DLG2: variants seen among roughly 807,000 people sequenced by gnomAD.
DLG2 encodes disks large homolog 2.
In DLG2, 45 loss-of-function variants were observed where a neutral mutation model predicts 132.5. That is an observed-to-expected ratio of 0.34 (90% CI 0.27 to 0.44). The LOEUF is 0.44. Ranked by LOEUF, DLG2 falls within the 20% of genes least tolerant of loss-of-function variation. The pLI is 1.00. For synonymous variants in DLG2, 424 were observed against 419.6 expected, an observed-to-expected ratio of 1.01 and a Z score of -0.13; for missense variants, 1,045 against 1,196.9, an observed-to-expected ratio of 0.87 and a Z score of 1.87.
At chr11:83,464,592 T>C (rs2090656955) in intron 26 of DLG2, among the ~76,000 whole-genome samples, 1 of 152,236 alleles carries the variant, frequency 6.6e-6, no homozygotes, top group African/African-American at 2.4e-5. Context: ...TATTGTGAAG[T>C]CCAGCCTTTA....
Position 84,534,506 on chromosome 11 carries a change from T to G in DLG2, c.519+64A>C, listed in dbSNP as rs1039654398. 4 of 1,510,806 alleles carry G rather than the reference T, an allele frequency of 2.6e-6. No individual in the cohort carries two copies. In the Admixed American group the frequency reaches 5.1e-5, roughly 19 times the overall value. 93.6% of individuals were successfully genotyped at this position (1,510,806 alleles called of 1,614,324 possible). A position where few individuals can be genotyped will look rare whatever the true frequency, so the allele number is the denominator to read the frequency against. ...TCATTTAATCGGGCCAGCAAACATC[T>G]CCATTAGCAATTAAGACCAACTACT... On this transcript the variant is annotated intron_variant, in intron 7 of 27. Transcript: ENST00000376104.
chr11:84,595,124 A>G (rs2099553409), intron 6 of DLG2, among the ~76,000 whole-genome samples: 1 of 152,114 alleles, frequency 6.6e-6, no homozygotes, highest in South Asian at 2.1e-4. Context: ...TCTTGAATAT[A>G]TAGTTATGGT....
intron 9 of DLG2, among the ~76,000 whole-genome samples, chr11:84,110,473 C>G (rs2093279453): frequency 6.6e-6 from 1 of 152,082 alleles, no homozygotes. Context: ...CTCTGAGAAG[C>G]AGATGTCAAG....
intron 19 of DLG2, among the ~76,000 whole-genome samples, chr11:83,607,840 A>G (rs1051890840): frequency 2.0e-5 from 3 of 152,244 alleles, no homozygotes; most frequent in Non-Finnish European, 2.9e-5. Flanking sequence ...TATAAATATC[A>G]TGTTGAGCCA....
chr11:83,870,442 T>C (rs1188018337), intron 16 of DLG2, among the ~76,000 whole-genome samples: 2 of 152,240 alleles, frequency 1.3e-5, no homozygotes, highest in Non-Finnish European at 2.9e-5. Context: ...TGACATGATT[T>C]CATTCTTTTT....
intron 7 of DLG2, among the ~76,000 whole-genome samples, chr11:84,377,427 A>T (rs1026812088): frequency 1.3e-5 from 2 of 152,070 alleles, no homozygotes; most frequent in Admixed American, 1.3e-4. Context: ...CATTTTTGAA[A>T]TAATAAGGGG....
chr11:84,180,018 C>A (rs1192670449), intron 8 of DLG2, among the ~76,000 whole-genome samples: 1 of 151,952 alleles, frequency 6.6e-6, no homozygotes, highest in South Asian at 2.1e-4. Context: ...TAAAAAATGA[C>A]CAGGCATACT....
chr11:83,966,379 G>T (rs1017461273), intron 12 of DLG2, among the ~76,000 whole-genome samples: 1 of 151,796 alleles, frequency 6.6e-6, no homozygotes, highest in East Asian at 1.9e-4. Flanking sequence ...CAAGTTCAAG[G>T]GTACCCTATT....
chr11:84,795,076 A>G (rs187266251), intron 6 of DLG2, among the ~76,000 whole-genome samples: 1 of 152,310 alleles, frequency 6.6e-6, no homozygotes, highest in Admixed American at 6.5e-5. Flanking sequence ...GAGTGAAAAC[A>G]CATGGTGCTT....
chr11:84,977,443 T>C (rs980429909), intron 6 of DLG2, among the ~76,000 whole-genome samples: 17 of 152,182 alleles, frequency 1.1e-4, no homozygotes, highest in African/African-American at 3.9e-4. Flanking sequence ...TGTAGGCTCT[T>C]GTTGTGAGAT....
intron 6 of DLG2, among the ~76,000 whole-genome samples, chr11:84,619,786 A>G (rs2099610774): frequency 6.6e-6 from 1 of 151,746 alleles, no homozygotes; most frequent in Non-Finnish European, 1.5e-5. Flanking sequence ...AGAAATTATA[A>G]AATTGTATTG....
At chr11:84,668,411 T>C (rs922908746) in intron 6 of DLG2, among the ~76,000 whole-genome samples, 4 of 152,178 alleles carry the variant, frequency 2.6e-5, no homozygotes, top group African/African-American at 9.7e-5. Flanking sequence ...ATCTTTGAAT[T>C]ATCAAATAGA....
chr11:84,381,985 A>G (rs111560482), intron 7 of DLG2, among the ~76,000 whole-genome samples: 4 of 152,302 alleles, frequency 2.6e-5, no homozygotes, highest in African/African-American at 9.6e-5. Flanking sequence ...CAAAATTACC[A>G]TCAGTGGGAG....
intron 18 of DLG2, chr11:83,651,919 T>G (rs1238965570): frequency 6.4e-6 from 3 of 470,764 alleles, no homozygotes; most frequent in Non-Finnish European, 1.3e-5. Flanking sequence ...AAATCTTATG[T>G]GATATCGGCA....
chr11:85,332,176 T>C (rs1209415094), intron 3 of DLG2, among the ~76,000 whole-genome samples: 1 of 152,230 alleles, frequency 6.6e-6, no homozygotes, highest in Non-Finnish European at 1.5e-5. Context: ...TTTGAGATGG[T>C]ATCTCATTGT....
At chr11:85,401,840 A>G (rs2152965189) in intron 3 of DLG2, among the ~76,000 whole-genome samples, 1 of 152,220 alleles carries the variant, frequency 6.6e-6, no homozygotes, top group East Asian at 1.9e-4. Context: ...GAAATAAAAG[A>G]GGACACAAAA....
chr11:84,326,463 C>T (rs2098433337), intron 7 of DLG2, among the ~76,000 whole-genome samples: 2 of 151,984 alleles, frequency 1.3e-5, no homozygotes, highest in Admixed American at 6.6e-5. Flanking sequence ...TTCTGATTTC[C>T]GTTTTGATTT....
intron 3 of DLG2, among the ~76,000 whole-genome samples, chr11:85,572,530 C>T (rs2077902114): frequency 6.6e-6 from 1 of 152,018 alleles, no homozygotes; most frequent in Non-Finnish European, 1.5e-5. Flanking sequence ...ATTTCCATTC[C>T]TTATTTTCCC....
intron 6 of DLG2, among the ~76,000 whole-genome samples, chr11:85,059,244 C>T (rs1017326158): frequency 6.6e-6 from 1 of 151,104 alleles, no homozygotes; most frequent in African/African-American, 2.4e-5. Flanking sequence ...TACAATATTT[C>T]TATGGACCTA....
Sources: gnomAD v4.1 joint callset for allele counts (sites outside exome capture counted in the v4.1 genomes callset) on GRCh38, gnomAD v4.1.1 for gene constraint, MANE v1.5 for transcripts, NCBI Gene and HGNC (gene_info 2026-07-23, HGNC 2026-07-21) for gene names.